Variants in ZGPAT observed in about 807,000 individuals in gnomAD.
ZGPAT encodes zinc finger CCCH-type with G patch domain-containing protein.
Under a neutral mutation model 47.9 loss-of-function variants are expected in ZGPAT, and 39 were observed. The observed-to-expected ratio is 0.81, with a 90% CI of 0.63 to 1.06. The LOEUF (loss-of-function observed/expected upper bound fraction) is 1.06. Ranked by LOEUF, ZGPAT falls within the 50% of genes least tolerant of loss-of-function variation. The pLI is 0.00. For missense variants in ZGPAT, 717 were observed against 681.4 expected (o/e 1.05, Z -0.58); for synonymous variants, 348 against 292.9 (o/e 1.19, Z -1.92).
chr20:63,711,566 C>T (rs1426859539), intron 2 of ZGPAT, among the ~76,000 whole-genome samples: 1 of 151,992 alleles, frequency 6.6e-6, no homozygotes, highest in African/African-American at 2.4e-5. Context: ...TGCCACCATT[C>T]AGGACTGATA....
chr20:63,727,995 C>T (rs1001767842), intron 2 of ZGPAT, among the ~76,000 whole-genome samples: 3 of 151,608 alleles, frequency 2.0e-5, no homozygotes, highest in Admixed American at 6.6e-5. Context: ...CTTGCCCACC[C>T]ACCCCTGCAG....
At chr20:63,733,006 GCATGTGTGTA>G in intron 2 of ZGPAT, among the ~76,000 whole-genome samples, 1 of 147,646 alleles carries the variant, frequency 6.8e-6, no homozygotes, top group Non-Finnish European at 1.5e-5. Flanking sequence ...GTGTATATGT[GCATGTGTGTA>G]TGTGTGCGTG....
At chr20:63,723,124 C>T (rs531417947) in intron 2 of ZGPAT, among the ~76,000 whole-genome samples, 1 of 151,258 alleles carries the variant, frequency 6.6e-6, no homozygotes, top group South Asian at 2.1e-4. Flanking sequence ...CAGCTCCATC[C>T]TCCCTTCTCC....
At chr20:63,721,285 G>A (rs8125514) in intron 2 of ZGPAT, among the ~76,000 whole-genome samples, 105,485 of 151,576 alleles carry the variant, frequency 0.7, 37,085 homozygotes, top group Middle Eastern at 0.74. Context: ...CCAGGGGGCG[G>A]AGGTTGCAGT....
At chr20:63,724,984 CTTT>C (rs35291396) in intron 2 of ZGPAT, among the ~76,000 whole-genome samples, 11 of 125,864 alleles carry the variant, frequency 8.7e-5, no homozygotes, top group Admixed American at 1.7e-4. Context: ...TTTAGAATTT[CTTT>C]TTTTTTTTTT....
At chr20:63,711,108 C>T (rs926745127) in intron 2 of ZGPAT, among the ~76,000 whole-genome samples, 1 of 151,672 alleles carries the variant, frequency 6.6e-6, no homozygotes, top group Non-Finnish European at 1.5e-5. Context: ...CGGCTCACTG[C>T]AATCTCCGCC....
At chr20:63,733,543 C>A in intron 3 of ZGPAT, 44 bp from the exon 4 acceptor site, 1 of 1,613,910 alleles carries the variant, frequency 6.2e-7, no homozygotes, top group East Asian at 2.2e-5. Flanking sequence ...TTCAGTGGCA[C>A]CTGCTGTCAA....
At position 63,709,253 on chromosome 20, in the gene ZGPAT, G is replaced by A; in HGVS notation, c.584+89G>A. On this transcript the variant is annotated intron_variant, in intron 2 of 6. Coordinates refer to ENST00000355969, the MANE Select transcript of ZGPAT (RefSeq NM_181485.3). ...TCAGGATCGGCCCTCCCTTTGCTTT[G>A]CAGTTTTGTCTCAGCTTCCTGGGGC... 4 of 1,475,574 alleles carry A rather than the reference G, an allele frequency of 2.7e-6. No individual in the cohort carries two copies. In the South Asian group the frequency reaches 4.6e-5, roughly 17 times the overall value. The allele number at this position is 1,475,574 out of a possible 1,614,324, so 91.4% of individuals were successfully genotyped here.
chr20:63,733,052 G>A (rs941867545), intron 2 of ZGPAT, among the ~76,000 whole-genome samples, 167 bp from the exon 3 acceptor site: 1 of 151,674 alleles, frequency 6.6e-6, no homozygotes, highest in Non-Finnish European at 1.5e-5. Flanking sequence ...GTGTGTATGT[G>A]TGCGTGTGTA....
At chr20:63,732,242 C>T (rs760473984) in intron 2 of ZGPAT, among the ~76,000 whole-genome samples, 8 of 141,564 alleles carry the variant, frequency 5.7e-5, no homozygotes, top group African/African-American at 1.3e-4. Context: ...TGCATGTGTG[C>T]GTGCACGTGT....
chr20:63,730,958 CTCTCTCTCTCTCTGTGTG>C (rs1400515537), intron 2 of ZGPAT, among the ~76,000 whole-genome samples: 1,018 of 99,910 alleles, frequency 0.01, 14 homozygotes, highest in African/African-American at 0.046. Context: ...CTCTCTCTCT[CTCTCTCTCTCTCTGTGTG>C]TGTGTGTGTG....
chr20:63,712,946 T>C (rs577062996), intron 2 of ZGPAT, among the ~76,000 whole-genome samples: 17 of 152,276 alleles, frequency 1.1e-4, no homozygotes, highest in African/African-American at 3.8e-4. Context: ...TTCCAATTCA[T>C]GAATGAAGGA....
intron 4 of ZGPAT, chr20:63,734,396 C>T (rs919951507): frequency 6.6e-6 from 3 of 452,524 alleles, no homozygotes; most frequent in African/African-American, 2.0e-5. Flanking sequence ...CACAGCCTCG[C>T]GAAGGTGGAG....
At position 63,732,149 on chromosome 20, in the gene ZGPAT, A is replaced by G. The variant is rs545860824; in HGVS notation, c.585-1070A>G. On this transcript the variant is annotated intron_variant, in intron 2 of 6. Transcript: ENST00000355969. ...CGTGACAGTCTACACGTGAGGGTGC[A>G]TGTGTGTGCGCGTGTGGGTGACTGC... 3.3e-5 allele frequency among the ~76,000 whole-genome samples: 5 copies of G among 151,876 alleles called. No homozygotes were observed. In the East Asian group the frequency reaches 5.8e-4, roughly 18 times the overall value.
In ZGPAT at chr20:63,734,668, T is replaced by C; in HGVS notation, c.872-37T>C. The C allele has an allele frequency of 2.5e-6, 4 of 1,609,684 alleles. No homozygotes were observed. The South Asian group carries it at 4.4e-5, about 18-fold the overall frequency. On this transcript the variant is annotated intron_variant, in intron 4 of 6. Transcript: ENST00000355969. Reference sequence around the variant, plus strand: ...AGTGGTGGGGTCGGACGCCGTGGACTCTGCACAGTCCTCTGCCCTCTGTCC... The same window carrying C: ...AGTGGTGGGGTCGGACGCCGTGGACCCTGCACAGTCCTCTGCCCTCTGTCC...
Position 63,733,696 on chromosome 20 carries a change from CG to C in ZGPAT, c.829del (p.Asp277ThrfsTer40), listed in dbSNP as rs1353839098. The C allele has an allele frequency of 6.2e-7, 1 of 1,613,746 alleles. No individual in the cohort carries two copies. The highest frequency in any genetic ancestry group is 1.3e-5 in the African/African-American group (1 of 74,890). On this transcript the variant is annotated frameshift_variant, in exon 4 of 7. Transcript: ENST00000355969. LOFTEE classifies it high-confidence loss of function. ...CACTGCGCACAGAGGCCACAGAGTC[CG>C]ACTCAGACAGCGACGGTACGGGTGA... Reference protein sequence around the residue: ...PPLRTEATESDSDSDGTGDSS... With the variant: ...PPLRTEATESXSDSDGTGDSS...
At chr20:63,732,429 G>A (rs1310903866) in intron 2 of ZGPAT, among the ~76,000 whole-genome samples, 1 of 38,860 alleles carries the variant, frequency 2.6e-5, no homozygotes, top group Non-Finnish European at 5.7e-5. Context: ...GGTGAGAGAT[G>A]TGTGCGCATG....
intron 2 of ZGPAT, among the ~76,000 whole-genome samples, chr20:63,711,721 T>C (rs560829719): frequency 1.3e-5 from 2 of 152,212 alleles, no homozygotes; most frequent in Admixed American, 1.3e-4. Context: ...TAGCTGGGAT[T>C]ACAGGCGCCT....
At chr20:63,717,332 CT>C (rs1173734420) in intron 2 of ZGPAT, among the ~76,000 whole-genome samples, 5,329 of 60,998 alleles carry the variant, frequency 0.087, 11 homozygotes, top group East Asian at 0.28. Flanking sequence ...TTTTTCTTTT[CT>C]TTTTTTTTTT....
Sources: gnomAD v4.1 joint callset for allele counts (sites outside exome capture counted in the v4.1 genomes callset) on GRCh38, gnomAD v4.1.1 for gene constraint, MANE v1.5 for transcripts, NCBI Gene and HGNC (gene_info 2026-07-23, HGNC 2026-07-21) for gene names.